The following LBP variants were observed in gnomAD, a reference collection of about 807,000 sequenced individuals.
The protein encoded by LBP is lipopolysaccharide binding protein, also known as lipopolysaccharide-binding protein.
LBP carries 53 observed loss-of-function variants against 56.6 expected under a neutral mutation model. That is an observed-to-expected ratio of 0.94 (90% CI 0.75 to 1.18). The LOEUF is 1.18. Ranked by LOEUF, LBP falls within the 50% of genes most tolerant of loss-of-function variation. The pLI, the probability that LBP is intolerant of heterozygous loss-of-function variation, is 0.00. For synonymous variants in LBP, 227 were observed against 247.5 expected, an observed-to-expected ratio of 0.92 and a Z score of 0.78; for missense variants, 601 against 598.3, an observed-to-expected ratio of 1.00 and a Z score of -0.05.
chr20:38,370,939 A>G (rs1349246009), intron 11 of LBP, 134 bp downstream of exon 11: 2 of 765,492 alleles, frequency 2.6e-6, no homozygotes, highest in Non-Finnish European at 4.6e-6. Context: ...AATTGGCCCA[A>G]TTCTTCTGCC....
chr20:38,358,838 G>T (rs964943878), intron 5 of LBP, among the ~76,000 whole-genome samples: 3 of 152,148 alleles, frequency 2.0e-5, no homozygotes, highest in African/African-American at 7.2e-5. Flanking sequence ...CTAACAAAAA[G>T]AGCTGTTTAA....
intron 9 of LBP, among the ~76,000 whole-genome samples, chr20:38,368,709 T>C (rs2076891051): frequency 6.6e-6 from 1 of 152,190 alleles, no homozygotes; most frequent in South Asian, 2.1e-4. Context: ...GAGGTGGTCA[T>C]TATAATGGCA....
At chr20:38,348,746 A>AAGTTC (rs2076809569) in intron 1 of LBP, among the ~76,000 whole-genome samples, 1 of 137,038 alleles carries the variant, frequency 7.3e-6, no homozygotes, top group East Asian at 2.3e-4. Context: ...CCAATGAGGA[A>AAGTTC]AGTTTAGTTT....
chr20:38,357,235 C>A (rs1411075994), intron 5 of LBP, among the ~76,000 whole-genome samples: 2 of 152,180 alleles, frequency 1.3e-5, no homozygotes, highest in African/African-American at 4.8e-5. Flanking sequence ...GGTGGAGTAG[C>A]TTTCCCAGTG....
intron 5 of LBP, 31 bp from the exon 6 acceptor site, chr20:38,360,669 AACTC>A: frequency 1.3e-6 from 2 of 1,484,092 alleles, no homozygotes; most frequent in Non-Finnish European, 1.9e-6. Context: ...AGAGCTGGGG[AACTC>A]ACTCAGTCAT....
intron 1 of LBP, among the ~76,000 whole-genome samples, chr20:38,347,377 C>T (rs781301869): frequency 3.3e-5 from 5 of 151,866 alleles, no homozygotes; most frequent in Non-Finnish European, 7.4e-5. Flanking sequence ...AGCCTCGCCT[C>T]TCCTAAAAAT....
intron 1 of LBP, among the ~76,000 whole-genome samples, chr20:38,348,772 A>AGTTTT (rs2076809946): frequency 1.6e-5 from 2 of 122,878 alleles, no homozygotes; most frequent in South Asian, 2.6e-4. Context: ...AGTTTAGTTT[A>AGTTTT]GTTTAGTTTA....
At chr20:38,365,709 A>ATAT (rs1238653413) in intron 8 of LBP, among the ~76,000 whole-genome samples, 26 of 64,126 alleles carry the variant, frequency 4.1e-4, no homozygotes, top group Non-Finnish European at 6.9e-4. Flanking sequence ...AAAAAAAAAA[A>ATAT]AAAAAAAAAT....
At chr20:38,363,901 C>T in intron 6 of LBP, 74 bp from the exon 7 acceptor site, 1 of 1,073,358 alleles carries the variant, frequency 9.3e-7, no homozygotes, top group Non-Finnish European at 1.4e-6. Context: ...TGTGAGTCAG[C>T]CAGAGCCCTT....
Position 38,354,268 on chromosome 20 carries a change from C to A in LBP, c.369-16C>A. On this transcript the variant is annotated splice_polypyrimidine_tract_variant and intron_variant, in intron 3 of 14. Coordinates refer to ENST00000217407, the MANE Select transcript of LBP (RefSeq NM_004139.5). ...CTGGTCTAGGAACTAACCATGGCTT[C>A]TCTTACCTCCTCCAGCAAACTACAG... is the stretch of plus-strand genomic sequence containing the variant. 6.2e-7 allele frequency: 1 copy of A among 1,608,054 alleles called. No homozygotes were observed.
intron 1 of LBP, among the ~76,000 whole-genome samples, chr20:38,347,362 G>A (rs964776417): frequency 6.6e-6 from 1 of 151,998 alleles, no homozygotes; most frequent in Non-Finnish European, 1.5e-5. Flanking sequence ...TGGCCAACAT[G>A]GTGAAGCCTC....
At position 38,370,091 on chromosome 20, in the gene LBP, T is replaced by G. The variant is rs536257734; in HGVS notation, c.1150-647T>G. Among the ~76,000 whole-genome samples the G allele has an allele frequency of 2.0e-5, 3 of 152,288 alleles. No homozygotes were observed. In the South Asian group the frequency reaches 6.2e-4, roughly 32 times the overall value. ...TATTTTAAATTAAAATATAATTTAC[T>G]GTCTGGGTGTGGTGGCTCACATCTG... On this transcript the variant is annotated intron_variant, in intron 10 of 14. Transcript: ENST00000217407.
At chr20:38,365,234 C>CAAAAAAA (rs10627735) in intron 8 of LBP, among the ~76,000 whole-genome samples, 38 of 96,668 alleles carry the variant, frequency 3.9e-4, no homozygotes, top group African/African-American at 1.5e-3. Flanking sequence ...GACCCTGTCT[C>CAAAAAAA]AAAAAAAAAA....
chr20:38,353,547 C>T (rs973167760), intron 3 of LBP, among the ~76,000 whole-genome samples: 4 of 137,828 alleles, frequency 2.9e-5, no homozygotes, highest in African/African-American at 8.2e-5. Context: ...CCCCACACCA[C>T]GCGTATATCT....
At chr20:38,374,605 AAAAG>A (rs1938430235) in intron 14 of LBP, among the ~76,000 whole-genome samples, 4 of 150,958 alleles carry the variant, frequency 2.6e-5, no homozygotes, top group African/African-American at 9.7e-5. Context: ...AAAAAAAAAA[AAAAG>A]AAAGAAAAAA....
intron 7 of LBP, 95 bp from the exon 8 acceptor site, chr20:38,364,481 C>G: frequency 8.7e-7 from 1 of 1,151,244 alleles, no homozygotes; most frequent in East Asian, 2.3e-5. Flanking sequence ...AGTGTTCCAG[C>G]CAGCGTCCCT....
At chr20:38,371,124 T>A (rs1568836050) in intron 11 of LBP, among the ~76,000 whole-genome samples, 156 bp from the exon 12 acceptor site, 1 of 152,234 alleles carries the variant, frequency 6.6e-6, no homozygotes, top group East Asian at 1.9e-4. Context: ...ATTGTATCAC[T>A]GCTTTTAGTT....
intron 10 of LBP, among the ~76,000 whole-genome samples, chr20:38,370,124 A>G (rs568003513): frequency 6.6e-6 from 1 of 152,144 alleles, no homozygotes; most frequent in Non-Finnish European, 1.5e-5. Context: ...CTGTAATCTC[A>G]GCACTTTGGG....
intron 9 of LBP, among the ~76,000 whole-genome samples, chr20:38,368,639 A>C (rs1306369288): frequency 3.9e-5 from 6 of 152,194 alleles, no homozygotes; most frequent in African/African-American, 1.4e-4. Context: ...CTGTCCTTCA[A>C]CCCAGCAACT....
Sources: allele counts gnomAD v4.1 joint callset (sites outside exome capture counted in the v4.1 genomes callset), GRCh38; gene constraint gnomAD v4.1.1; transcripts MANE v1.5; gene names NCBI Gene and HGNC (gene_info 2026-07-23, HGNC 2026-07-21).